Variants in MAMDC2 observed in about 807,000 individuals in gnomAD.
MAMDC2 encodes the protein MAM domain-containing protein 2.
In MAMDC2, 57 loss-of-function variants were observed where a neutral mutation model predicts 89.8. That is an observed-to-expected ratio of 0.63 (90% CI 0.51 to 0.79). MAMDC2 has a LOEUF of 0.79. MAMDC2 is among the 30% of genes least tolerant of loss of function. MAMDC2 has a pLI of 0.00. For missense variants in MAMDC2, 800 were observed against 820.6 expected (o/e 0.97, Z 0.31); for synonymous variants, 313 against 293.4 (o/e 1.07, Z -0.68).
intron 2 of MAMDC2, among the ~76,000 whole-genome samples, chr9:70,098,584 C>A (rs1284905396): frequency 6.6e-6 from 1 of 152,088 alleles, no homozygotes; most frequent in Non-Finnish European, 1.5e-5. Context: ...TGTGGAGAAG[C>A]CCAAATGAAA....
intron 2 of MAMDC2, among the ~76,000 whole-genome samples, chr9:70,054,310 T>C (rs1826978024): frequency 6.6e-6 from 1 of 152,024 alleles, no homozygotes; most frequent in Non-Finnish European, 1.5e-5. Context: ...TGAGCTCACA[T>C]TTAAGGATTA....
chr9:70,126,016 C>A (rs1189571291), intron 5 of MAMDC2, 143 bp from the exon 6 acceptor site: 2 of 879,318 alleles, frequency 2.3e-6, no homozygotes, highest in Non-Finnish European at 3.4e-6. Context: ...ATGGCCAAAC[C>A]TCTGTCAGCT....
chr9:70,064,182 T>C (rs1218219636), intron 2 of MAMDC2, among the ~76,000 whole-genome samples: 3 of 152,090 alleles, frequency 2.0e-5, no homozygotes, highest in Non-Finnish European at 2.9e-5. Flanking sequence ...AAATTTTTTT[T>C]CCATAGGTTA....
At chr9:70,053,149 C>T (rs2117993294) in intron 2 of MAMDC2, among the ~76,000 whole-genome samples, 1 of 152,318 alleles carries the variant, frequency 6.6e-6, no homozygotes, top group Non-Finnish European at 1.5e-5. Flanking sequence ...GGATATTTGT[C>T]TGCTCTGGGA....
intron 2 of MAMDC2, among the ~76,000 whole-genome samples, chr9:70,098,196 T>C (rs1237143887): frequency 6.6e-6 from 1 of 152,208 alleles, no homozygotes; most frequent in African/African-American, 2.4e-5. Context: ...AGCTGGTAAC[T>C]AGAGGTCTCT....
chr9:70,170,761 C>T (rs898942962), intron 11 of MAMDC2, 130 bp downstream of exon 11: 2 of 807,430 alleles, frequency 2.5e-6, no homozygotes, highest in African/African-American at 3.5e-5. Flanking sequence ...TGTGATTCTA[C>T]ACACACAGGA....
chr9:70,212,077 G>C (rs192561253), intron 11 of MAMDC2, among the ~76,000 whole-genome samples: 1 of 152,328 alleles, frequency 6.6e-6, no homozygotes, highest in Admixed American at 6.5e-5. Flanking sequence ...TGGGGGTCAG[G>C]GACCCACTTG....
chr9:70,076,807 C>T (rs1006372838), intron 2 of MAMDC2, among the ~76,000 whole-genome samples: 1 of 152,100 alleles, frequency 6.6e-6, no homozygotes, highest in Non-Finnish European at 1.5e-5. Flanking sequence ...GTTTCAATAA[C>T]AGATTGTTCT....
chr9:70,144,925 A>G (rs1257630465), intron 9 of MAMDC2, among the ~76,000 whole-genome samples: 1 of 152,224 alleles, frequency 6.6e-6, no homozygotes, highest in Non-Finnish European at 1.5e-5. Context: ...CTTTTAGTCC[A>G]TTACAAAACC....
At chr9:70,050,383 T>G (rs1826866393) in intron 2 of MAMDC2, among the ~76,000 whole-genome samples, 1 of 152,228 alleles carries the variant, frequency 6.6e-6, no homozygotes, top group Non-Finnish European at 1.5e-5. Context: ...TTCCTTATCA[T>G]GAAGAACGGC....
intron 2 of MAMDC2, among the ~76,000 whole-genome samples, chr9:70,060,302 G>A (rs750028153): frequency 6.6e-6 from 1 of 152,142 alleles, no homozygotes; most frequent in East Asian, 1.9e-4. Flanking sequence ...CTTAGTCCCT[G>A]TGGCAATTCA....
chr9:70,095,016 G>C (rs1005947946), intron 2 of MAMDC2, among the ~76,000 whole-genome samples: 1 of 152,150 alleles, frequency 6.6e-6, no homozygotes, highest in Non-Finnish European at 1.5e-5. Flanking sequence ...AGAAGGAAGT[G>C]AGCAGTAGTG....
chr9:70,206,106 A>G (rs962708467), intron 11 of MAMDC2, among the ~76,000 whole-genome samples: 2 of 152,210 alleles, frequency 1.3e-5, no homozygotes, highest in African/African-American at 4.8e-5. Flanking sequence ...TACTCTACAT[A>G]GGTACTGCTT....
intron 11 of MAMDC2, among the ~76,000 whole-genome samples, chr9:70,211,414 G>A (rs4410968): frequency 0.069 from 10,488 of 151,818 alleles, 574 homozygotes; most frequent in East Asian, 0.22. Context: ...CCATTTCATC[G>A]AATCAGCTAC....
chr9:70,084,509 G>A (rs117243602), intron 2 of MAMDC2, among the ~76,000 whole-genome samples: 1 of 152,138 alleles, frequency 6.6e-6, no homozygotes, highest in East Asian at 1.9e-4. Flanking sequence ...ACGCTAGATA[G>A]GTATCCCCAG....
intron 6 of MAMDC2, among the ~76,000 whole-genome samples, chr9:70,131,108 T>C (rs573332924): frequency 6.6e-6 from 1 of 152,282 alleles, no homozygotes; most frequent in East Asian, 1.9e-4. Context: ...TGAGGGCCTG[T>C]TTCCTGGTCC....
At chr9:70,199,085 T>C (rs998847265) in intron 11 of MAMDC2, among the ~76,000 whole-genome samples, 1 of 151,820 alleles carries the variant, frequency 6.6e-6, no homozygotes, top group African/African-American at 2.4e-5. Context: ...ACTTTAAGTT[T>C]TAGGGTACAT....
rs879041173 is a variant in MAMDC2 at position 70,126,037 on chromosome 9, C to T, written c.644-122C>T. 3.7e-6 allele frequency: 4 copies of T among 1,083,948 alleles called. No homozygotes were observed. The South Asian group carries it at 6.3e-5, about 17-fold the overall frequency. 67.1% of individuals were successfully genotyped at this position (1,083,948 alleles called of 1,614,324 possible). ...AAACCTCTGTCAGCTGTAACTCATC[C>T]ACTTCCTCCTCACCATTCCCACTGG... is the stretch of plus-strand genomic sequence containing the variant. On this transcript the variant is annotated intron_variant, in intron 5 of 13. Transcript: ENST00000377182.
At chr9:70,150,881 C>A (rs2031559026) in intron 9 of MAMDC2, among the ~76,000 whole-genome samples, 1 of 152,244 alleles carries the variant, frequency 6.6e-6, no homozygotes, top group Non-Finnish European at 1.5e-5. Flanking sequence ...AGAATCATTT[C>A]TTTGAAACAG....
Sources: gnomAD v4.1 joint callset for allele counts (sites outside exome capture counted in the v4.1 genomes callset) on GRCh38, gnomAD v4.1.1 for gene constraint, MANE v1.5 for transcripts, NCBI Gene and HGNC (gene_info 2026-07-23, HGNC 2026-07-21) for gene names.